The following CACNA1C variants were observed in gnomAD, a reference collection of about 807,000 sequenced individuals.
CACNA1C encodes the protein calcium voltage-gated channel subunit alpha1 C.
CACNA1C carries 30 observed loss-of-function variants against 229.0 expected under a neutral mutation model. The ratio of observed to expected loss-of-function variants is 0.13; its 90% CI spans 0.10 to 0.18. The LOEUF is 0.18. Among genes scored for constraint, CACNA1C ranks in the 10% least tolerant of loss-of-function variants. The probability of loss-of-function intolerance (pLI) is 1.00; values close to 1 mark genes in which losing one functional copy is unlikely to be tolerated. For missense variants in CACNA1C, 1,658 were observed against 2,845.0 expected (o/e 0.58, Z 9.49); for synonymous variants, 1,114 against 1,132.5 (o/e 0.98, Z 0.33).
intron 29 of CACNA1C, among the ~76,000 whole-genome samples, chr12:2,628,376 G>A (rs531315660): frequency 2.0e-5 from 3 of 152,134 alleles, no homozygotes; most frequent in Non-Finnish European, 2.9e-5. Context: ...GCACCCTGTC[G>A]CCAATCCCAA....
chr12:2,392,579 C>T lies in CACNA1C; in HGVS notation c.478-56397C>T, dbSNP rs545633241. Among the ~76,000 whole-genome samples, 47 of 152,312 alleles carry T rather than the reference C, an allele frequency of 3.1e-4. 1 individual carries two copies. In the Middle Eastern group the frequency reaches 0.02, roughly 66 times the overall value. On this transcript the variant is annotated intron_variant, in intron 3 of 46. Transcript: ENST00000399655. ...AGCTCAAAGCACACTTTTCATTCCT[C>T]CCTGAGCTATTTTCCTTATTATTCT...
chr12:2,096,041 G>T (rs145535955), intron 1 of CACNA1C, among the ~76,000 whole-genome samples: 8 of 152,180 alleles, frequency 5.3e-5, no homozygotes, highest in Non-Finnish European at 1.0e-4. Context: ...AGATGAGCAC[G>T]TCATGGCCTG....
At position 2,247,979 on chromosome 12, in the gene CACNA1C, A is replaced by G. The variant is rs578092186; in HGVS notation, c.477+127549A>G. On this transcript the variant is annotated intron_variant, in intron 3 of 46. Transcript: ENST00000399655. ...GAACTCTTCTCTCCCATTCTCAAAT[A>G]TAATTAGTTATTTCTAAAATTGAGC... 4.5e-4 allele frequency among the ~76,000 whole-genome samples: 68 copies of G among 152,348 alleles called. 1 individual carries two copies. Among genetic ancestry groups the G allele is most frequent in the African/African-American group, 1.6e-3 (65 of 41,582 alleles).
At chr12:2,043,169 T>A (rs984232927) in intron 1 of CACNA1C, among the ~76,000 whole-genome samples, 1 of 152,212 alleles carries the variant, frequency 6.6e-6, no homozygotes, top group African/African-American at 2.4e-5. Flanking sequence ...TTGACTGATA[T>A]TATGCTGATT....
intron 3 of CACNA1C, among the ~76,000 whole-genome samples, chr12:2,409,240 T>A (rs2098777471): frequency 6.6e-6 from 1 of 152,180 alleles, no homozygotes; most frequent in Non-Finnish European, 1.5e-5. Context: ...GGCTTTGAAT[T>A]GGGATGTTTG....
intron 29 of CACNA1C, among the ~76,000 whole-genome samples, chr12:2,617,200 G>A (rs1483180572): frequency 3.3e-5 from 5 of 152,200 alleles, no homozygotes; most frequent in Non-Finnish European, 5.9e-5. Context: ...TTCCTTTATC[G>A]AGAGTGAGGG....
intron 1 of CACNA1C, among the ~76,000 whole-genome samples, chr12:2,028,229 TC>T (rs2047654156): frequency 6.6e-6 from 1 of 152,216 alleles, no homozygotes; most frequent in Non-Finnish European, 1.5e-5. Flanking sequence ...AGACAGTGTC[TC>T]AGGAGCTGCT....
At chr12:2,349,486 G>A (rs1468147944) in intron 3 of CACNA1C, among the ~76,000 whole-genome samples, 1 of 152,200 alleles carries the variant, frequency 6.6e-6, no homozygotes, top group Admixed American at 6.5e-5. Context: ...GCTTGCCTCT[G>A]CCAGCCTGGG....
chr12:2,606,470 C>A (rs918011540), intron 24 of CACNA1C, 141 bp from the exon 25 acceptor site: 1 of 698,590 alleles, frequency 1.4e-6, no homozygotes, highest in Non-Finnish European at 2.6e-6. Flanking sequence ...GCGTGTGAGT[C>A]AGGTCCTGCC....
chr12:2,496,220 G>C (rs1015287), intron 7 of CACNA1C, among the ~76,000 whole-genome samples: 2 of 152,014 alleles, frequency 1.3e-5, no homozygotes, highest in African/African-American at 2.4e-5. Context: ...AATCTAACCT[G>C]TTGAACCTCA....
chr12:2,267,260 C>T (rs1347421429), intron 3 of CACNA1C, among the ~76,000 whole-genome samples: 1 of 152,166 alleles, frequency 6.6e-6, no homozygotes, highest in African/African-American at 2.4e-5. Flanking sequence ...TTATTCAGTT[C>T]CTTCACCTGA....
At position 2,666,516 on chromosome 12, in the gene CACNA1C, G is replaced by A; in HGVS notation, c.4527-170G>A. The A allele has an allele frequency of 1.8e-6, 1 of 551,724 alleles. No homozygotes were observed. Among genetic ancestry groups the A allele is most frequent in the Non-Finnish European group, 3.2e-6 (1 of 308,122 alleles). The allele number at this position is 551,724 out of a possible 1,614,324, so 34.2% of individuals were successfully genotyped here. ...ACGTGTATATGTATATTGGTTTGGG[G>A]CTGTGTCATGCAATTCTGCAACTCT... On this transcript the variant is annotated intron_variant, in intron 36 of 46. Transcript: ENST00000399655. This position sits in a 1 kb window ranked among gnomAD's most constrained non-coding sequence, Gnocchi z 5.3.
intron 1 of CACNA1C, among the ~76,000 whole-genome samples, chr12:1,974,047 T>C (rs528681728): frequency 6.6e-6 from 1 of 152,308 alleles, no homozygotes; most frequent in Admixed American, 6.5e-5. Context: ...ATCTGTTCCC[T>C]CCACTAGACT....
At chr12:2,154,519 G>A (rs1480735516) in intron 3 of CACNA1C, among the ~76,000 whole-genome samples, 1 of 152,182 alleles carries the variant, frequency 6.6e-6, no homozygotes, top group Admixed American at 6.5e-5. Context: ...GCCAGCAGTG[G>A]GTCAGGGAAG....
At chr12:2,269,281 A>C (rs2154415787) in intron 3 of CACNA1C, among the ~76,000 whole-genome samples, 2 of 152,344 alleles carry the variant, frequency 1.3e-5, no homozygotes, top group Middle Eastern at 6.8e-3. Flanking sequence ...ACCGGCTGAA[A>C]GAAATCACCT....
intron 3 of CACNA1C, among the ~76,000 whole-genome samples, chr12:2,183,840 C>G (rs553560286): frequency 6.9e-4 from 105 of 152,330 alleles, no homozygotes; most frequent in Middle Eastern, 3.4e-3. Flanking sequence ...AGCTCTGTCT[C>G]TAGAGGTTCT....
At chr12:2,004,513 C>T (rs2042989693) in intron 1 of CACNA1C, 1 of 1,511,332 alleles carries the variant, frequency 6.6e-7, no homozygotes, top group East Asian at 2.3e-5. Flanking sequence ...TGCCTCGCAA[C>T]CGAGAACCCA....
chr12:2,497,006 C>T (rs1241794446), intron 7 of CACNA1C, among the ~76,000 whole-genome samples: 2 of 152,208 alleles, frequency 1.3e-5, no homozygotes, highest in African/African-American at 4.8e-5. Context: ...GAGGGAAGAA[C>T]CTAATGTGTA....
chr12:2,342,298 C>T (rs1212393347), intron 3 of CACNA1C, among the ~76,000 whole-genome samples: 2 of 152,172 alleles, frequency 1.3e-5, no homozygotes, highest in African/African-American at 4.8e-5. Context: ...CTTTTCTTTT[C>T]CCTGCCCTGT....
Sources: gnomAD v4.1 joint callset for allele counts (sites outside exome capture counted in the v4.1 genomes callset) on GRCh38, gnomAD v4.1.1 for gene constraint, Gnocchi (gnomAD v3.1) non-coding constraint, MANE v1.5 for transcripts, NCBI Gene and HGNC (gene_info 2026-07-23, HGNC 2026-07-21) for gene names.